The following ST6GAL2 variants were observed in gnomAD, a reference collection of about 807,000 sequenced individuals.
ST6GAL2 encodes the protein ST6 beta-galactoside alpha-2,6-sialyltransferase 2, also known as beta-galactoside alpha-2,6-sialyltransferase 2.
Under a neutral mutation model 37.5 loss-of-function variants are expected in ST6GAL2, and 24 were observed. That is an observed-to-expected ratio of 0.64 (90% CI 0.46 to 0.90). The LOEUF (loss-of-function observed/expected upper bound fraction) is 0.90. ST6GAL2 is among the 40% of genes least tolerant of loss of function. ST6GAL2 has a pLI of 0.00. For missense variants in ST6GAL2, 715 were observed against 712.7 expected (o/e 1.00, Z -0.04); for synonymous variants, 306 against 295.1 (o/e 1.04, Z -0.38).
At chr2:106,854,118 G>A (rs1444462587) in intron 1 of ST6GAL2, among the ~76,000 whole-genome samples, 2 of 152,210 alleles carry the variant, frequency 1.3e-5, no homozygotes, top group Non-Finnish European at 2.9e-5. Flanking sequence ...TGAGGTAAAA[G>A]CACAGGTGGC....
At position 106,843,930 on chromosome 2, in the gene ST6GAL2, T is replaced by A. The variant is rs553369616; in HGVS notation, c.48A>T (p.Ile16=). ...GCAAAAAGAGGAGCCCCCAAGCGAA[T>A]ATTCCGAAAAGCATTCGTTGTCTCC... ...KQWRQRMLFG[I]FAWGLLFLLI... is the part of the protein sequence containing the mutation. The change falls in exon 2 of 6, where the codon ATA becomes ATT. Residue 16 remains isoleucine, a synonymous_variant. Transcript: ENST00000409382. The A allele has an allele frequency of 2.4e-5, 38 of 1,597,830 alleles. No individual in the cohort carries two copies. Among genetic ancestry groups the A allele is most frequent in the Admixed American group, 2.0e-4 (12 of 59,790 alleles).
At position 106,843,519 on chromosome 2, in the gene ST6GAL2, G is replaced by A. The variant is rs142520495; in HGVS notation, c.459C>T (p.Pro153=). Residue 153 remains proline (P), a synonymous_variant, in exon 2 of 6, where the codon CCC becomes CCT. Coordinates refer to ENST00000409382, the MANE Select transcript of ST6GAL2 (RefSeq NM_001142351.2). The part of the protein sequence containing the change: ...HTQGTLGFPS[P]GEPGPREGAF... ...CCCCCTCCCGTGGGCCTGGCTCCCC[G>A]GGGGAAGGGAATCCCAATGTCCCCT... 4 of 1,613,800 alleles carry A rather than the reference G, an allele frequency of 2.5e-6. No homozygotes were observed. The highest frequency in any genetic ancestry group is 3.4e-6 in the Non-Finnish European group (4 of 1,179,842).
intron 5 of ST6GAL2, chr2:106,812,987 G>T: frequency 8.6e-7 from 1 of 1,165,412 alleles, no homozygotes; most frequent in Non-Finnish European, 1.1e-6. Context: ...CATGAGGCTG[G>T]ACTTTTTGAT....
chr2:106,865,249 C>T (rs1677975699), intron 1 of ST6GAL2, among the ~76,000 whole-genome samples: 1 of 152,196 alleles, frequency 6.6e-6, no homozygotes, highest in Middle Eastern at 3.2e-3. Flanking sequence ...CCAACTCCAG[C>T]ACACTACTGT....
chr2:106,864,145 C>A (rs1394240404), intron 1 of ST6GAL2, among the ~76,000 whole-genome samples: 2 of 152,234 alleles, frequency 1.3e-5, no homozygotes, highest in Admixed American at 1.3e-4. Flanking sequence ...TGGCTGGAAT[C>A]TCCAAACTAC....
chr2:106,876,070 G>C (rs1366199974), intron 1 of ST6GAL2, among the ~76,000 whole-genome samples: 6 of 152,162 alleles, frequency 3.9e-5, no homozygotes, highest in Non-Finnish European at 7.3e-5. Context: ...AGGCTCAAGA[G>C]ATCCTCCTGC....
intron 2 of ST6GAL2, among the ~76,000 whole-genome samples, chr2:106,836,303 A>G (rs1276815829): frequency 3.3e-5 from 5 of 152,194 alleles, no homozygotes; most frequent in Non-Finnish European, 5.9e-5. Flanking sequence ...AGGCTCAGAC[A>G]CACTGTTGAA....
chr2:106,826,819 A>G (rs1416978973), intron 5 of ST6GAL2, among the ~76,000 whole-genome samples: 1 of 152,234 alleles, frequency 6.6e-6, no homozygotes, highest in African/African-American at 2.4e-5. Context: ...AAGCACTATG[A>G]AGCCAACCAT....
intron 5 of ST6GAL2, among the ~76,000 whole-genome samples, chr2:106,825,220 A>C (rs1241494751): frequency 2.0e-5 from 3 of 152,234 alleles, no homozygotes; most frequent in Non-Finnish European, 2.9e-5. Context: ...TCATAAAAAC[A>C]TTGGGCCTTC....
At chr2:106,877,611 C>G (rs1558733304) in intron 1 of ST6GAL2, among the ~76,000 whole-genome samples, 1 of 152,206 alleles carries the variant, frequency 6.6e-6, no homozygotes, top group Non-Finnish European at 1.5e-5. Flanking sequence ...TTGAAGTACA[C>G]AGTTGAACAT....
intron 1 of ST6GAL2, among the ~76,000 whole-genome samples, chr2:106,870,659 C>T (rs1222974207): frequency 6.6e-6 from 1 of 152,096 alleles, no homozygotes; most frequent in African/African-American, 2.4e-5. Flanking sequence ...CTGAAGAGTG[C>T]AACATTCTTC....
intron 1 of ST6GAL2, among the ~76,000 whole-genome samples, chr2:106,867,082 A>G (rs1373540524): frequency 6.6e-6 from 1 of 152,170 alleles, no homozygotes; most frequent in African/African-American, 2.4e-5. Flanking sequence ...AGGGCAGGGA[A>G]GCAGTGGGAA....
chr2:106,844,383 C>T (rs1173064787), intron 1 of ST6GAL2, among the ~76,000 whole-genome samples: 1 of 152,058 alleles, frequency 6.6e-6, no homozygotes, highest in Non-Finnish European at 1.5e-5. Flanking sequence ...CCCACAAGTT[C>T]CCCCTACTTC....
At position 106,843,640 on chromosome 2, in the gene ST6GAL2, GA is replaced by G. The variant is rs1327855726; in HGVS notation, c.337del (p.Ser113HisfsTer61). ...QDGFEHKEFF[S>X]SQVGRKSQSA... ...TTGAGATTTTCTCCCCACCTGGGAT[GA>G]AAAAAACTCTTTATGTTCAAACCCA... On this transcript the variant is annotated frameshift_variant, in exon 2 of 6. Transcript: ENST00000409382. LOFTEE classifies it high-confidence loss of function. 2 of 1,613,570 alleles carry G rather than the reference GA, an allele frequency of 1.2e-6. No homozygotes were observed. Among genetic ancestry groups the G allele is most frequent in the Non-Finnish European group, 1.7e-6 (2 of 1,180,004 alleles).
chr2:106,830,870 T>C (rs1335265854), intron 4 of ST6GAL2, among the ~76,000 whole-genome samples: 1 of 152,180 alleles, frequency 6.6e-6, no homozygotes, highest in African/African-American at 2.4e-5. Flanking sequence ...TTTTTCATTG[T>C]GGTGGTAGAT....
At chr2:106,880,461 C>T (rs1376139363) in intron 1 of ST6GAL2, among the ~76,000 whole-genome samples, 1 of 152,204 alleles carries the variant, frequency 6.6e-6, no homozygotes, top group Non-Finnish European at 1.5e-5. Flanking sequence ...AAAAGTTAGT[C>T]TCAACAGTCA....
At chr2:106,855,228 C>T (rs1244427195) in intron 1 of ST6GAL2, among the ~76,000 whole-genome samples, 1 of 152,182 alleles carries the variant, frequency 6.6e-6, no homozygotes, top group Non-Finnish European at 1.5e-5. Context: ...CAGTCCAGAC[C>T]AGTGAGGCCT....
In ST6GAL2 at chr2:106,834,096, C is replaced by T. The variant is rs1473596085; in HGVS notation, c.994G>A (p.Glu332Lys). The change falls in exon 3 of 6, where the codon GAG (glutamate) becomes AAG (lysine). Residue 332 changes from glutamate to lysine, a missense_variant. Transcript: ENST00000409382. Reference sequence around the variant, plus strand: ...GTGGTTTTATTCCCAACATCTTTCTCATAACCACGTGTAGGAGCAGAGTTA... The same window carrying T: ...GTGGTTTTATTCCCAACATCTTTCTTATAACCACGTGTAGGAGCAGAGTTA... ...RFNSAPTRGY[E>K]KDVGNKTTIR... The T allele has an allele frequency of 2.5e-6, 4 of 1,613,752 alleles. No individual in the cohort carries two copies. The highest frequency in any genetic ancestry group is 2.7e-5 in the African/African-American group (2 of 74,936).
intron 2 of ST6GAL2, among the ~76,000 whole-genome samples, chr2:106,839,559 ACTG>A (rs892611677): frequency 1.3e-5 from 2 of 152,096 alleles, no homozygotes; most frequent in African/African-American, 4.8e-5. Flanking sequence ...GAGTATATGG[ACTG>A]CTTTCTTCTT....
Sources: gnomAD v4.1 joint callset for allele counts (sites outside exome capture counted in the v4.1 genomes callset) on GRCh38, gnomAD v4.1.1 for gene constraint, MANE v1.5 for transcripts, NCBI Gene and HGNC (gene_info 2026-07-23, HGNC 2026-07-21) for gene names.